PCDH15: variants seen among roughly 807,000 people sequenced by gnomAD.
PCDH15 encodes protocadherin related 15.
A neutral mutation model predicts 178.5 loss-of-function variants in PCDH15; 129 were observed. The ratio of observed to expected loss-of-function variants is 0.72; its 90% CI spans 0.63 to 0.84. The LOEUF is 0.84. Ranked by LOEUF, PCDH15 falls within the 40% of genes least tolerant of loss-of-function variation. The pLI, the probability that PCDH15 is intolerant of heterozygous loss-of-function variation, is 0.00. For missense variants in PCDH15, 2,230 were observed against 2,099.9 expected (o/e 1.06, Z -1.21); for synonymous variants, 800 against 732.0 (o/e 1.09, Z -1.50).
intron 2 of PCDH15, among the ~76,000 whole-genome samples, chr10:54,634,635 G>C (rs928328878): frequency 2.0e-5 from 3 of 151,968 alleles, no homozygotes; most frequent in African/African-American, 4.8e-5. Flanking sequence ...AAAAGGAAAA[G>C]AGACTGAGAA....
At chr10:54,722,870 A>G (rs1941867560) in intron 1 of PCDH15, among the ~76,000 whole-genome samples, 1 of 151,800 alleles carries the variant, frequency 6.6e-6, no homozygotes, top group African/African-American at 2.4e-5. Context: ...GAAGAATGAC[A>G]AACACTGATG....
intron 2 of PCDH15, among the ~76,000 whole-genome samples, chr10:55,462,883 C>T (rs1329781065): frequency 6.6e-6 from 1 of 151,858 alleles, no homozygotes; most frequent in Non-Finnish European, 1.5e-5. Context: ...CATCATTTTC[C>T]CCCAGTAGAA....
At chr10:55,348,519 T>C (rs1352893445) in intron 2 of PCDH15, among the ~76,000 whole-genome samples, 1 of 151,986 alleles carries the variant, frequency 6.6e-6, no homozygotes, top group Non-Finnish European at 1.5e-5. Context: ...CTCACATATA[T>C]GGAAGGGAAG....
chr10:53,807,290 C>T (rs527749022), intron 37 of PCDH15, among the ~76,000 whole-genome samples, 160 bp from the exon 38 acceptor site: 2 of 152,276 alleles, frequency 1.3e-5, no homozygotes, highest in Non-Finnish European at 2.9e-5. Context: ...ACATACATTT[C>T]CTTTCATCAA....
intron 2 of PCDH15, among the ~76,000 whole-genome samples, chr10:55,395,319 G>T (rs1457514783): frequency 1.3e-5 from 2 of 151,818 alleles, no homozygotes; most frequent in African/African-American, 4.8e-5. Flanking sequence ...TAATTGTTTT[G>T]TCTGGCTTTA....
chr10:54,245,591 G>A (rs2055842059), intron 8 of PCDH15, among the ~76,000 whole-genome samples: 1 of 152,060 alleles, frequency 6.6e-6, no homozygotes, highest in Non-Finnish European at 1.5e-5. Context: ...AGTCAACATA[G>A]TAGAAAATAA....
intron 2 of PCDH15, among the ~76,000 whole-genome samples, chr10:55,017,733 G>C (rs867817719): frequency 1.2e-4 from 18 of 151,616 alleles, no homozygotes; most frequent in Non-Finnish European, 8.8e-5. Context: ...TGACTTTGAG[G>C]GAATATAAAT....
At chr10:54,154,346 TAAAGA>T (rs750668977) in intron 13 of PCDH15, among the ~76,000 whole-genome samples, 45 of 152,148 alleles carry the variant, frequency 3.0e-4, no homozygotes, top group Non-Finnish European at 5.9e-4. Flanking sequence ...TTCTGTGGAA[TAAAGA>T]AAACACATGT....
chr10:53,912,091 A>G (rs1405534846), intron 25 of PCDH15, among the ~76,000 whole-genome samples: 1 of 152,214 alleles, frequency 6.6e-6, no homozygotes, highest in Non-Finnish European at 1.5e-5. Context: ...CAAAAAGCTT[A>G]TCCACCACGA....
intron 14 of PCDH15, among the ~76,000 whole-genome samples, chr10:54,140,433 T>C (rs959739520): frequency 1.3e-5 from 2 of 151,700 alleles, no homozygotes; most frequent in Admixed American, 1.3e-4. Flanking sequence ...GTTAATTGAG[T>C]AGAAGATAAA....
intron 8 of PCDH15, among the ~76,000 whole-genome samples, chr10:54,305,619 A>C (rs1442698879): frequency 6.6e-6 from 1 of 152,088 alleles, no homozygotes; most frequent in Non-Finnish European, 1.5e-5. Context: ...TGAAGGAAGT[A>C]GACAAATATT....
At chr10:55,580,645 G>A (rs932259496) in intron 2 of PCDH15, among the ~76,000 whole-genome samples, 2 of 152,168 alleles carry the variant, frequency 1.3e-5, no homozygotes, top group African/African-American at 2.4e-5. Flanking sequence ...TTACAGGCAT[G>A]AGCCACAGCG....
intron 2 of PCDH15, among the ~76,000 whole-genome samples, chr10:54,897,964 T>C (rs1290374186): frequency 6.6e-6 from 1 of 152,156 alleles, no homozygotes; most frequent in Non-Finnish European, 1.5e-5. Context: ...ATAATATAGT[T>C]TGGATATCCC....
intron 3 of PCDH15, among the ~76,000 whole-genome samples, chr10:54,491,688 T>C (rs1044443033): frequency 8.5e-5 from 13 of 152,186 alleles, no homozygotes; most frequent in Non-Finnish European, 1.0e-4. Context: ...GATTCATCAA[T>C]CTATGTTCAG....
intron 2 of PCDH15, among the ~76,000 whole-genome samples, chr10:54,638,137 C>T (rs774951770): frequency 5.3e-5 from 8 of 151,900 alleles, no homozygotes; most frequent in Non-Finnish European, 7.4e-5. Flanking sequence ...CATAAAAGAT[C>T]TGCTTGAACC....
intron 1 of PCDH15, among the ~76,000 whole-genome samples, chr10:54,794,667 C>A (rs1239593510): frequency 6.6e-6 from 1 of 151,760 alleles, no homozygotes; most frequent in East Asian, 1.9e-4. Flanking sequence ...AAAATCTGTA[C>A]CTACCTGGTA....
At chr10:54,546,744 A>G (rs1382556312) in intron 2 of PCDH15, among the ~76,000 whole-genome samples, 2 of 152,190 alleles carry the variant, frequency 1.3e-5, no homozygotes, top group African/African-American at 4.8e-5. Context: ...ATGCCTTGTT[A>G]TCAGTGTCAC....
intron 12 of PCDH15, among the ~76,000 whole-genome samples, chr10:54,184,574 C>T (rs537754056): frequency 6.6e-6 from 1 of 152,012 alleles, no homozygotes; most frequent in Non-Finnish European, 1.5e-5. Context: ...TACCTCAGTG[C>T]TATTGACACC....
intron 23 of PCDH15, among the ~76,000 whole-genome samples, chr10:53,957,246 A>G (rs1394610685): frequency 6.6e-6 from 1 of 152,076 alleles, no homozygotes; most frequent in Non-Finnish European, 1.5e-5. Flanking sequence ...TTAAGTTAAA[A>G]CTGTGAGCGT....
Sources: gnomAD v4.1 joint callset for allele counts (sites outside exome capture counted in the v4.1 genomes callset) on GRCh38, gnomAD v4.1.1 for gene constraint, MANE v1.5 for transcripts, NCBI Gene and HGNC (gene_info 2026-07-23, HGNC 2026-07-21) for gene names.